SDK1: variants seen among roughly 807,000 people sequenced by gnomAD.
SDK1 encodes the protein protein sidekick-1.
Under a neutral mutation model 245.5 loss-of-function variants are expected in SDK1, and 157 were observed. The observed-to-expected ratio is 0.64, with a 90% CI of 0.56 to 0.73. SDK1 has a LOEUF of 0.73. Among genes scored for constraint, SDK1 ranks in the 30% least tolerant of loss-of-function variants. The pLI, the probability that SDK1 is intolerant of heterozygous loss-of-function variation, is 0.00. For missense variants in SDK1, 3,583 were observed against 3,002.3 expected (o/e 1.19, Z -4.52); for synonymous variants, 1,647 against 1,278.5 (o/e 1.29, Z -6.15).
intron 44 of SDK1, among the ~76,000 whole-genome samples, chr7:4,247,916 G>A (rs1209627941): frequency 1.3e-5 from 2 of 152,164 alleles, no homozygotes; most frequent in Non-Finnish European, 2.9e-5. Flanking sequence ...CACACCAGAG[G>A]AAGGGGAGGG....
chr7:4,109,972 T>C (rs1231759836), intron 22 of SDK1, among the ~76,000 whole-genome samples: 1 of 152,050 alleles, frequency 6.6e-6, no homozygotes, highest in Admixed American at 6.5e-5. Context: ...GCTGGGGAAC[T>C]TGGAGGGCAC....
At position 3,497,574 on chromosome 7, in the gene SDK1, C is replaced by T. The variant is rs373830217; in HGVS notation, c.299-121506C>T. On this transcript the variant is annotated intron_variant, in intron 1 of 44. Coordinates refer to ENST00000404826, the MANE Select transcript of SDK1 (RefSeq NM_152744.4). ...TATGATCTTGTCTCAACCTGTAACA[C>T]ACACATCTTCACAGAAATAACATTT... is the stretch of plus-strand genomic sequence containing the variant. Among the ~76,000 whole-genome samples, 12 of 152,302 alleles carry T rather than the reference C, an allele frequency of 7.9e-5. 1 individual carries two copies. The East Asian group carries it at 1.3e-3, about 17-fold the overall frequency.
At chr7:4,256,328 C>T (rs1787624835) in intron 44 of SDK1, among the ~76,000 whole-genome samples, 1 of 152,212 alleles carries the variant, frequency 6.6e-6, no homozygotes, top group Admixed American at 6.5e-5. Context: ...CAGAAATATC[C>T]TGGCCTTCAT....
intron 5 of SDK1, among the ~76,000 whole-genome samples, chr7:3,849,107 C>T (rs994505095): frequency 5.9e-5 from 9 of 152,156 alleles, no homozygotes; most frequent in African/African-American, 2.2e-4. Flanking sequence ...TTCCATTTGC[C>T]GTCCGAACTT....
chr7:3,883,589 G>T (rs1781259031), intron 5 of SDK1, among the ~76,000 whole-genome samples: 1 of 152,140 alleles, frequency 6.6e-6, no homozygotes, highest in Admixed American at 6.5e-5. Context: ...AATAGTCCTG[G>T]ACCCCAGATC....
At chr7:4,123,737 G>A (rs374816051) in intron 25 of SDK1, among the ~76,000 whole-genome samples, 17 of 152,220 alleles carry the variant, frequency 1.1e-4, no homozygotes, top group African/African-American at 3.4e-4. Flanking sequence ...AAAAATAGAA[G>A]GGGGCTCACA....
intron 22 of SDK1, among the ~76,000 whole-genome samples, chr7:4,105,804 C>G (rs556827877): frequency 6.6e-6 from 1 of 152,042 alleles, no homozygotes; most frequent in African/African-American, 2.4e-5. Context: ...CAGCCAGTTG[C>G]AGAGAGGAGG....
At chr7:4,248,083 C>T (rs1028261638) in intron 44 of SDK1, among the ~76,000 whole-genome samples, 2 of 152,156 alleles carry the variant, frequency 1.3e-5, no homozygotes, top group South Asian at 2.1e-4. Context: ...GATTTAACAT[C>T]GGCAAATGTT....
intron 17 of SDK1, among the ~76,000 whole-genome samples, chr7:4,027,549 A>C (rs1258553792): frequency 3.3e-5 from 5 of 152,200 alleles, no homozygotes; most frequent in Non-Finnish European, 7.3e-5. Flanking sequence ...ATATCAGTTT[A>C]TTAATTTTAT....
intron 1 of SDK1, among the ~76,000 whole-genome samples, chr7:3,568,084 G>C (rs1473559417): frequency 6.6e-6 from 1 of 152,156 alleles, no homozygotes; most frequent in East Asian, 1.9e-4. Context: ...GCCTCACAAA[G>C]TGCTGGGATT....
intron 14 of SDK1, among the ~76,000 whole-genome samples, chr7:4,009,621 A>G (rs986196668): frequency 2.0e-5 from 3 of 152,260 alleles, no homozygotes; most frequent in Non-Finnish European, 4.4e-5. Context: ...GGTGGCGAAG[A>G]CTGCGTTCCC....
chr7:3,552,904 A>G (rs1172969173), intron 1 of SDK1, among the ~76,000 whole-genome samples: 1 of 152,220 alleles, frequency 6.6e-6, no homozygotes, highest in African/African-American at 2.4e-5. Context: ...TTATCTGAAG[A>G]TTGTGCAGAA....
At chr7:4,073,004 C>T (rs1308128893) in intron 20 of SDK1, among the ~76,000 whole-genome samples, 1 of 152,234 alleles carries the variant, frequency 6.6e-6, no homozygotes, top group Admixed American at 6.5e-5. Flanking sequence ...TGCAGACAGA[C>T]AGTTTGTGAT....
chr7:4,011,124 C>T lies in SDK1; in HGVS notation c.2279+11C>T, dbSNP rs769362134. On this transcript the variant is annotated intron_variant, in intron 15 of 44. Transcript: ENST00000404826. ...CGCCGAGACAAGCAGGTGCGTGAAT[C>T]CCGCCCCAGGTGGGGGTGTGGAACA... The T allele has an allele frequency of 5.6e-6, 9 of 1,612,658 alleles. No homozygotes were observed. In the African/African-American group the frequency reaches 9.3e-5, roughly 17 times the overall value.
intron 34 of SDK1, among the ~76,000 whole-genome samples, chr7:4,176,735 A>G (rs1455385973): frequency 6.6e-6 from 1 of 152,158 alleles, no homozygotes; most frequent in Non-Finnish European, 1.5e-5. Context: ...GGAATCATGT[A>G]GTATTTGTCT....
At chr7:3,672,475 A>G (rs1374522233) in intron 4 of SDK1, among the ~76,000 whole-genome samples, 1 of 150,886 alleles carries the variant, frequency 6.6e-6, no homozygotes, top group Non-Finnish European at 1.5e-5. Flanking sequence ...GAGATAGGAC[A>G]TACAGGCAAA....
chr7:3,514,272 C>T (rs1416277356), intron 1 of SDK1, among the ~76,000 whole-genome samples: 4 of 152,156 alleles, frequency 2.6e-5, no homozygotes, highest in Non-Finnish European at 5.9e-5. Flanking sequence ...CTATGTTGTA[C>T]AGTCTCCTGT....
At chr7:3,634,363 A>G (rs1205180371) in intron 2 of SDK1, among the ~76,000 whole-genome samples, 2 of 152,190 alleles carry the variant, frequency 1.3e-5, no homozygotes, top group Non-Finnish European at 2.9e-5. Context: ...TGCAGGTCAC[A>G]ACTGAGGCTT....
chr7:3,393,584 A>G (rs1320549042), intron 1 of SDK1, among the ~76,000 whole-genome samples: 1 of 152,234 alleles, frequency 6.6e-6, no homozygotes, highest in East Asian at 1.9e-4. Flanking sequence ...GCAGATCAGA[A>G]TACTACGTAG....
Sources: gnomAD v4.1 joint callset for allele counts (sites outside exome capture counted in the v4.1 genomes callset) on GRCh38, gnomAD v4.1.1 for gene constraint, MANE v1.5 for transcripts, NCBI Gene and HGNC (gene_info 2026-07-23, HGNC 2026-07-21) for gene names.